NEK1: variants seen among roughly 807,000 people sequenced by gnomAD.
The protein encoded by NEK1 is NIMA related kinase 1.
NEK1 carries 137 observed loss-of-function variants against 182.1 expected under a neutral mutation model. The ratio of observed to expected loss-of-function variants is 0.75; its 90% CI spans 0.65 to 0.87. The LOEUF is 0.87. Among genes scored for constraint, NEK1 ranks in the 40% least tolerant of loss-of-function variants. The pLI is 0.00. For missense variants in NEK1, 1,391 were observed against 1,494.4 expected (o/e 0.93, Z 1.14); for synonymous variants, 513 against 492.2 (o/e 1.04, Z -0.56).
At position 169,393,377 on chromosome 4, in the gene NEK1, T is replaced by C. The variant is rs1019593668; in HGVS notation, c.*1133A>G. The C allele has an allele frequency of 1.3e-5, 2 of 152,168 alleles. No individual in the cohort carries two copies. The highest frequency in any genetic ancestry group is 2.9e-5 in the Non-Finnish European group (2 of 68,024). The allele number at this position is 152,168 out of a possible 1,614,324, so 9.4% of individuals were successfully genotyped here. ...TATTAGAAATAATATACATAATAAA[T>C]TCAACATACTGATAGTGCTGCAAGA... is the stretch of plus-strand genomic sequence containing the variant. On this transcript the variant is annotated 3_prime_UTR_variant, in exon 36 of 36. Coordinates refer to ENST00000507142, the MANE Select transcript of NEK1 (RefSeq NM_001199397.3).
At chr4:169,420,404 T>C (rs988394369) in intron 31 of NEK1, among the ~76,000 whole-genome samples, 2 of 152,206 alleles carry the variant, frequency 1.3e-5, no homozygotes, top group African/African-American at 2.4e-5. Context: ...TCAATTATTA[T>C]TGTTGTCAAG....
chr4:169,559,564 TATATGTCTAG>T (rs1462812959), intron 16 of NEK1, among the ~76,000 whole-genome samples: 5 of 152,172 alleles, frequency 3.3e-5, no homozygotes. Flanking sequence ...GGGCAGAATG[TATATGTCTAG>T]ATAAAACAAA....
intron 11 of NEK1, among the ~76,000 whole-genome samples, chr4:169,580,262 C>T (rs191460157): frequency 8.3e-4 from 126 of 151,990 alleles, no homozygotes; most frequent in African/African-American, 2.9e-3. Flanking sequence ...TTTGGGAGGC[C>T]GAGGCGGGTG....
rs1261026961 is a variant in NEK1 at position 169,516,347 on chromosome 4, GTTGT to G, written c.1666-7499_1666-7496del. Among the ~76,000 whole-genome samples the G allele has an allele frequency of 1.8e-4, 23 of 130,776 alleles. 4 individuals are homozygous for G. The highest frequency in any genetic ancestry group is 6.9e-4 in the South Asian group (3 of 4,364). 85.8% of individuals were successfully genotyped at this position (130,776 alleles called of 152,430 possible). On this transcript the variant is annotated intron_variant, in intron 19 of 35. Transcript: ENST00000507142. ...TGTCCTTTGCCCAGTTTTTGATGGG[GTTGT>G]TTGTTTTTTTCTTGTAAATTTGTTT...
At chr4:169,472,069 G>A (rs1222213779) in intron 26 of NEK1, among the ~76,000 whole-genome samples, 5 of 152,058 alleles carry the variant, frequency 3.3e-5, no homozygotes, top group African/African-American at 9.7e-5. Context: ...GGGATCCGCT[G>A]AGCAATACCA....
intron 27 of NEK1, among the ~76,000 whole-genome samples, chr4:169,445,007 G>A (rs1278548415): frequency 1.3e-5 from 2 of 152,156 alleles, no homozygotes; most frequent in African/African-American, 2.4e-5. Flanking sequence ...CAAACATTGA[G>A]TCAACGAAGA....
At chr4:169,409,421 G>GGTGT in intron 31 of NEK1, among the ~76,000 whole-genome samples, 1 of 152,050 alleles carries the variant, frequency 6.6e-6, no homozygotes, top group East Asian at 2.0e-4. Flanking sequence ...TGGGATTACA[G>GGTGT]GCGTGAGCCA....
intron 23 of NEK1, among the ~76,000 whole-genome samples, chr4:169,497,531 T>C (rs1395250879): frequency 6.6e-6 from 1 of 152,238 alleles, no homozygotes; most frequent in Non-Finnish European, 1.5e-5. Flanking sequence ...TGCTTTCTCT[T>C]GTGGGCACTT....
chr4:169,492,459 C>T (rs1193408186), intron 23 of NEK1, among the ~76,000 whole-genome samples: 1 of 151,942 alleles, frequency 6.6e-6, no homozygotes, highest in Non-Finnish European at 1.5e-5. Context: ...TGTCTCTGCT[C>T]CCCTCACCCC....
chr4:169,396,916 T>C (rs1730816242), intron 35 of NEK1, among the ~76,000 whole-genome samples: 1 of 152,120 alleles, frequency 6.6e-6, no homozygotes. Context: ...GCCTAAAAGA[T>C]AGCTGTCTGG....
chr4:169,593,037 T>C (rs1325201894), intron 5 of NEK1, among the ~76,000 whole-genome samples: 1 of 152,152 alleles, frequency 6.6e-6, no homozygotes, highest in Non-Finnish European at 1.5e-5. Context: ...TCATGTCTCA[T>C]TTCACAGACA....
intron 35 of NEK1, 172 bp downstream of exon 35, chr4:169,400,053 T>A (rs1270484810): frequency 1.4e-6 from 1 of 714,966 alleles, no homozygotes; most frequent in East Asian, 2.8e-5. Context: ...TAAAAGTATA[T>A]GACAGATCAG....
intron 26 of NEK1, among the ~76,000 whole-genome samples, chr4:169,472,879 C>T (rs1174595129): frequency 6.6e-6 from 1 of 152,084 alleles, no homozygotes; most frequent in Non-Finnish European, 1.5e-5. Context: ...AGAACACAGG[C>T]AAATTATACT....
In NEK1 at chr4:169,492,851, C is replaced by T. The variant is rs187722890; in HGVS notation, c.2008-13317G>A. Among the ~76,000 whole-genome samples, 308 of 152,238 alleles carry T rather than the reference C, an allele frequency of 2.0e-3. 1 individual carries two copies. The highest frequency in any genetic ancestry group is 7.0e-3 in the African/African-American group (289 of 41,550). The stretch of plus-strand genomic sequence containing the variant: ...GAGGAGACAGAGCAGCCTGTCAAAG[C>T]CACCAATGGGAAACAGGAAATGTGG... On this transcript the variant is annotated intron_variant, in intron 23 of 35. Transcript: ENST00000507142.
chr4:169,522,358 T>C (rs766362076), intron 19 of NEK1, among the ~76,000 whole-genome samples: 11 of 152,246 alleles, frequency 7.2e-5, no homozygotes, highest in Admixed American at 6.5e-5. Flanking sequence ...ATCTGATTCA[T>C]CTTGATATGA....
chr4:169,423,819 C>T (rs967219067), intron 31 of NEK1, among the ~76,000 whole-genome samples: 1 of 152,024 alleles, frequency 6.6e-6, no homozygotes, highest in Non-Finnish European at 1.5e-5. Context: ...TGATAAGCAG[C>T]TCAATGGAAT....
chr4:169,395,093 T>C (rs745736028), intron 35 of NEK1, among the ~76,000 whole-genome samples: 1 of 152,186 alleles, frequency 6.6e-6, no homozygotes, highest in African/African-American at 2.4e-5. Flanking sequence ...TTATAGACAT[T>C]TTTGTTATTT....
In NEK1 at chr4:169,414,139, T is replaced by C. The variant is rs557852835; in HGVS notation, c.3223-7392A>G. 4.7e-4 allele frequency among the ~76,000 whole-genome samples: 71 copies of C among 152,352 alleles called. 1 individual carries two copies. The South Asian group carries it at 8.1e-3, about 17-fold the overall frequency. On this transcript the variant is annotated intron_variant, in intron 31 of 35. Transcript: ENST00000507142. Reference sequence around the variant, plus strand: ...GCTACTATTACACTAATAATTAGTATACTTTTATTAGATGGTAGTTCATAG... The same window carrying C: ...GCTACTATTACACTAATAATTAGTACACTTTTATTAGATGGTAGTTCATAG...
chr4:169,457,344 T>C (rs1014105523), intron 27 of NEK1, among the ~76,000 whole-genome samples: 8 of 152,004 alleles, frequency 5.3e-5, no homozygotes, highest in African/African-American at 1.4e-4. Context: ...ACACCTACTA[T>C]GTACCCACAA....
Sources: gnomAD v4.1 joint callset for allele counts (sites outside exome capture counted in the v4.1 genomes callset) on GRCh38, gnomAD v4.1.1 for gene constraint, MANE v1.5 for transcripts, NCBI Gene and HGNC (gene_info 2026-07-23, HGNC 2026-07-21) for gene names.